Variants in ALOX5 observed in about 807,000 individuals in gnomAD.
The protein encoded by ALOX5 is polyunsaturated fatty acid 5-lipoxygenase.
In ALOX5, 64 loss-of-function variants were observed where a neutral mutation model predicts 87.9. That is an observed-to-expected ratio of 0.73 (90% confidence interval 0.60 to 0.90). The LOEUF is 0.90. ALOX5 is among the 40% of genes least tolerant of loss of function. The probability of loss-of-function intolerance (pLI) is 0.00; values close to 1 mark genes in which losing one functional copy is unlikely to be tolerated. For synonymous variants in ALOX5, 388 were observed against 355.1 expected (o/e 1.09, Z -1.04); for missense variants, 822 against 907.5 (o/e 0.91, Z 1.21).
chr10:45,403,579 G>T (rs779004156), intron 3 of ALOX5, among the ~76,000 whole-genome samples: 2 of 152,116 alleles, frequency 1.3e-5, no homozygotes, highest in Non-Finnish European at 2.9e-5. Context: ...ATGTGTGAGT[G>T]TGTGTGTGCA....
At chr10:45,399,895 T>C (rs1419282578) in intron 3 of ALOX5, among the ~76,000 whole-genome samples, 1 of 152,212 alleles carries the variant, frequency 6.6e-6, no homozygotes, top group Non-Finnish European at 1.5e-5. Context: ...CGTGAAAATA[T>C]GCTCAACATT....
intron 2 of ALOX5, among the ~76,000 whole-genome samples, chr10:45,392,118 G>C (rs1434617658): frequency 6.6e-6 from 1 of 151,512 alleles, no homozygotes; most frequent in South Asian, 2.1e-4. Flanking sequence ...CAGCTGCCCC[G>C]TCCGGGAGGT....
At chr10:45,422,886 C>T (rs983737079) in intron 4 of ALOX5, among the ~76,000 whole-genome samples, 2 of 152,170 alleles carry the variant, frequency 1.3e-5, no homozygotes, top group Admixed American at 6.5e-5. Flanking sequence ...TGGTGAGGGC[C>T]CTCTTCCCAG....
At position 45,443,483 on chromosome 10, in the gene ALOX5, C is replaced by A; in HGVS notation, c.1519C>A (p.Gln507Lys). The A allele has an allele frequency of 6.2e-7, 1 of 1,613,196 alleles. No homozygotes were observed. Among genetic ancestry groups the A allele is most frequent in the Non-Finnish European group, 8.5e-7 (1 of 1,179,578 alleles). ...DQVVEEDPEL[Q>K]DFVNDVYVYG... ...GGTGGTGGAGGAGGACCCGGAGCTGCAGGACTTCGTGAACGATGTCTACGT... is the reference window on the plus strand; with the variant it reads ...GGTGGTGGAGGAGGACCCGGAGCTGAAGGACTTCGTGAACGATGTCTACGT... Residue 507 changes from glutamine to lysine, a missense_variant, in exon 11 of 14, where the codon CAG becomes AAG. By Grantham distance (53) the Gln-to-Lys change is moderately conservative (BLOSUM62 1). Coordinates refer to ENST00000374391, the MANE Select transcript of ALOX5 (RefSeq NM_000698.5).
intron 2 of ALOX5, among the ~76,000 whole-genome samples, chr10:45,387,310 C>T (rs377093030): frequency 1.3e-5 from 2 of 152,110 alleles, no homozygotes; most frequent in African/African-American, 2.4e-5. Flanking sequence ...GTTGTGTCAT[C>T]GTCACACATT....
intron 2 of ALOX5, among the ~76,000 whole-genome samples, chr10:45,395,039 A>G (rs1296792616): frequency 5.3e-5 from 8 of 152,240 alleles, no homozygotes; most frequent in Admixed American, 6.5e-5. Context: ...TTTGTGGAAG[A>G]CACTGTGGCA....
In ALOX5 at chr10:45,395,950, T is replaced by C. The variant is rs760743880; in HGVS notation, c.431+14T>C. 1.2e-6 allele frequency: 2 copies of C among 1,612,990 alleles called. No homozygotes were observed. Among genetic ancestry groups the C allele is most frequent in the Admixed American group, 3.3e-5 (2 of 60,030 alleles). The stretch of plus-strand genomic sequence containing the variant: ...AAAACAATATCGGTGAGTTATGACA[T>C]CAGATCGAGTGGCCACGGGGCCATG... On this transcript the variant is annotated intron_variant, in intron 3 of 13. Transcript: ENST00000374391.
Position 45,425,147 on chromosome 10 carries a change from G to T in ALOX5, c.834+15G>T, listed in dbSNP as rs761683575. 2.5e-6 allele frequency: 4 copies of T among 1,609,354 alleles called. No homozygotes were observed. The highest frequency in any genetic ancestry group is 2.2e-5 in the South Asian group (2 of 90,764). ...AGGAGGTCCAGGTAGGGGTTGATGG[G>T]CTGGGGAAGTGGCCAAGGTCACAGT... is the stretch of plus-strand genomic sequence containing the variant. On this transcript the variant is annotated intron_variant, in intron 6 of 13. Transcript: ENST00000374391. This position sits in a 1 kb window ranked among gnomAD's most constrained non-coding sequence, Gnocchi z 4.4.
chr10:45,403,535 G>T (rs1302895668), intron 3 of ALOX5, among the ~76,000 whole-genome samples: 2 of 152,152 alleles, frequency 1.3e-5, no homozygotes, highest in Non-Finnish European at 1.5e-5. Flanking sequence ...TTACCTGGAT[G>T]GTGTTCGTAC....
intron 7 of ALOX5, among the ~76,000 whole-genome samples, chr10:45,437,091 G>A (rs1239914554): frequency 6.6e-6 from 1 of 152,180 alleles, no homozygotes; most frequent in African/African-American, 2.4e-5. Context: ...AGTGGCTCAC[G>A]CCTGTAATCC....
Position 45,412,219 on chromosome 10 carries a change from T to G in ALOX5, c.460T>G (p.Leu154Val), listed in dbSNP as rs1841089761. The change falls in exon 4 of 14, where the codon TTG becomes GTG. Residue 154 changes from leucine to valine, a missense_variant. Coordinates refer to ENST00000374391, the MANE Select transcript of ALOX5 (RefSeq NM_000698.5). ...GATGGAGTGGAACCCTGGCTTCCCCTTGAGCATCGATGCCAAATGCCACAA... is the reference window on the plus strand; with the variant it reads ...GATGGAGTGGAACCCTGGCTTCCCCGTGAGCATCGATGCCAAATGCCACAA... ...RWMEWNPGFPLSIDAKCHKDL... is the reference protein window; with the variant it reads ...RWMEWNPGFPVSIDAKCHKDL... 4 of 1,614,062 alleles carry G rather than the reference T, an allele frequency of 2.5e-6. No individual in the cohort carries two copies. Among genetic ancestry groups the G allele is most frequent in the Non-Finnish European group, 3.4e-6 (4 of 1,180,026 alleles).
intron 4 of ALOX5, among the ~76,000 whole-genome samples, chr10:45,413,395 A>C (rs979133130): frequency 6.6e-6 from 1 of 152,178 alleles, no homozygotes; most frequent in Non-Finnish European, 1.5e-5. Context: ...TTCAACAACC[A>C]TTCATGCTGA....
chr10:45,377,626 G>A (rs966407048), intron 1 of ALOX5, among the ~76,000 whole-genome samples: 5 of 151,456 alleles, frequency 3.3e-5, no homozygotes, highest in African/African-American at 7.3e-5. Flanking sequence ...CTCTCATCCC[G>A]AGTCTCTGTT....
At chr10:45,437,310 A>G (rs1842089643) in intron 7 of ALOX5, among the ~76,000 whole-genome samples, 1 of 152,232 alleles carries the variant, frequency 6.6e-6, no homozygotes, top group Non-Finnish European at 1.5e-5. Context: ...CTGCGATCAC[A>G]CCACTGCACT....
At chr10:45,392,698 G>C (rs1840331806) in intron 2 of ALOX5, among the ~76,000 whole-genome samples, 1 of 145,424 alleles carries the variant, frequency 6.9e-6, no homozygotes, top group Admixed American at 6.9e-5. Context: ...ACCCAAGAAT[G>C]ATCAATTAAA....
Position 45,443,057 on chromosome 10 carries a change from G to T in ALOX5, c.1292G>T (p.Gly431Val). The T allele has an allele frequency of 6.2e-7, 1 of 1,613,132 alleles. No homozygotes were observed. Among genetic ancestry groups the T allele is most frequent in the Non-Finnish European group, 8.5e-7 (1 of 1,179,704 alleles). The change falls in exon 10 of 14, where the codon GGT becomes GTT. Residue 431 changes from glycine to valine, a missense_variant. Gly to Val is a moderately radical substitution (Grantham distance 109, BLOSUM62 -3). Transcript: ENST00000374391. ...LFDKANATGG[G>V]GHVQMVQRAM... ...CTCCAGGCCAACGCCACAGGGGGCGGTGGGCACGTGCAGATGGTGCAGAGG... is the reference window on the plus strand; with the variant it reads ...CTCCAGGCCAACGCCACAGGGGGCGTTGGGCACGTGCAGATGGTGCAGAGG...
intron 6 of ALOX5, chr10:45,428,344 CTCA>C (rs909413695): frequency 3.9e-6 from 2 of 513,958 alleles, no homozygotes; most frequent in Admixed American, 3.4e-5. Flanking sequence ...GGGTCGGTCT[CTCA>C]TCTTTCGTGC....
chr10:45,401,183 A>C (rs1257840174), intron 3 of ALOX5, among the ~76,000 whole-genome samples: 2 of 152,170 alleles, frequency 1.3e-5, no homozygotes, highest in Non-Finnish European at 2.9e-5. Context: ...GAAACATTTG[A>C]GTCTGTGCCT....
intron 1 of ALOX5, 36 bp downstream of exon 1, chr10:45,374,465 G>C: frequency 6.7e-7 from 1 of 1,493,398 alleles, no homozygotes; most frequent in Non-Finnish European, 8.9e-7. Context: ...AGCGCGGGCT[G>C]AGGTGCGTCC....
Sources: gnomAD v4.1 joint callset for allele counts (sites outside exome capture counted in the v4.1 genomes callset) on GRCh38, gnomAD v4.1.1 for gene constraint, Gnocchi (gnomAD v3.1) non-coding constraint, MANE v1.5 for transcripts, NCBI Gene and HGNC (gene_info 2026-07-23, HGNC 2026-07-21) for gene names.